VPS13A: variants seen among roughly 807,000 people sequenced by gnomAD.
VPS13A encodes vacuolar protein sorting 13 homolog A.
In VPS13A, 264 loss-of-function variants were observed where a neutral mutation model predicts 390.9. The ratio of observed to expected loss-of-function variants is 0.68; its 90% confidence interval spans 0.61 to 0.75. The LOEUF (loss-of-function observed/expected upper bound fraction) is 0.75. Ranked by LOEUF, VPS13A falls within the 30% of genes least tolerant of loss-of-function variation. The probability of loss-of-function intolerance (pLI) is 0.00; values close to 1 mark genes in which losing one functional copy is unlikely to be tolerated. For synonymous variants in VPS13A, 1,231 were observed against 1,227.1 expected, an observed-to-expected ratio of 1.00 and a Z score of -0.07; for missense variants, 3,409 against 3,733.9, an observed-to-expected ratio of 0.91 and a Z score of 2.27.
chr9:77,188,815 A>G lies in VPS13A; in HGVS notation c.100+11011A>G, dbSNP rs372324059. Among the ~76,000 whole-genome samples, 7 of 152,196 alleles carry G rather than the reference A, an allele frequency of 4.6e-5. No homozygotes were observed. The South Asian group carries it at 1.2e-3, about 27-fold the overall frequency. On this transcript the variant is annotated intron_variant, in intron 1 of 71. Coordinates refer to ENST00000360280, the MANE Select transcript of VPS13A (RefSeq NM_033305.3). ...TATTTTTGACTTTTTAATAATAGCC[A>G]TTCTGACTGGTGTAGGATCGTATCT...
chr9:77,228,095 C>G, intron 16 of VPS13A, 27 bp from the exon 17 acceptor site: 1 of 1,498,464 alleles, frequency 6.7e-7, no homozygotes, highest in Non-Finnish European at 9.1e-7. Context: ...TATATGTTTT[C>G]ATTTTATTCT....
Position 77,280,229 on chromosome 9 carries a change from A to T in VPS13A, c.2895A>T (p.Glu965Asp). ...DNTMEDLLTL[E>D]YVKAEKNVPD... is the part of the protein sequence containing the mutation. ...CAATGGAAGACCTGTTAACGCTGGA[A>T]TATGTAAAGGTAAGCAGTTTCATTT... The change falls in exon 27 of 72, where the codon GAA becomes GAT. Residue 965 changes from glutamate (E) to aspartate (D), a missense_variant. Around this residue, in one of 5 missense-constraint regions of VPS13A, gnomAD observed 2,717 missense variants for 2,917.4 expected, o/e 0.93. Transcript: ENST00000360280. 1 of 1,612,304 alleles carries T rather than the reference A, an allele frequency of 6.2e-7. No individual in the cohort carries two copies. The highest frequency in any genetic ancestry group is 8.5e-7 in the Non-Finnish European group (1 of 1,178,764).
chr9:77,235,334 A>C (rs757283980), intron 17 of VPS13A, among the ~76,000 whole-genome samples: 1 of 151,588 alleles, frequency 6.6e-6, no homozygotes, highest in Non-Finnish European at 1.5e-5. Flanking sequence ...CTTGGTTGAC[A>C]TTTTTTTTCA....
chr9:77,410,342 T>C (rs1411367402), intron 71 of VPS13A, among the ~76,000 whole-genome samples: 1 of 152,120 alleles, frequency 6.6e-6, no homozygotes, highest in Admixed American at 6.5e-5. Context: ...TGCAAAAACA[T>C]GCCAAATTGT....
intron 20 of VPS13A, among the ~76,000 whole-genome samples, chr9:77,249,373 G>A (rs1825020964): frequency 6.6e-6 from 1 of 152,168 alleles, no homozygotes; most frequent in Non-Finnish European, 1.5e-5. Flanking sequence ...CATAAGGTTA[G>A]GAGTAAGGAT....
chr9:77,265,132 C>T (rs558827084), intron 23 of VPS13A, among the ~76,000 whole-genome samples: 2 of 152,194 alleles, frequency 1.3e-5, no homozygotes, highest in Non-Finnish European at 2.9e-5. Context: ...AGCCTTGCAT[C>T]TCAGAGATGA....
rs376079391 is a variant in VPS13A at position 77,403,212 on chromosome 9, T to C, written c.9190-24T>C. 68 of 1,559,912 alleles carry C rather than the reference T, an allele frequency of 4.4e-5. No homozygotes were observed. The African/African-American group carries it at 7.2e-4, about 16-fold the overall frequency. Reference sequence around the variant, plus strand: ...GTAGGAAATACTATCAATTTTCTCATTGTCTCTCACTTTTTTCTTTTAGGT... The same window carrying C: ...GTAGGAAATACTATCAATTTTCTCACTGTCTCTCACTTTTTTCTTTTAGGT... On this transcript the variant is annotated intron_variant, in intron 68 of 71. Transcript: ENST00000360280.
chr9:77,403,074 T>A (rs1404272543), intron 68 of VPS13A, among the ~76,000 whole-genome samples, 162 bp from the exon 69 acceptor site: 1 of 152,192 alleles, frequency 6.6e-6, no homozygotes, highest in African/African-American at 2.4e-5. Context: ...GTAGATGCTT[T>A]TAAAAAGGAA....
intron 70 of VPS13A, 139 bp downstream of exon 70, chr9:77,406,126 C>G: frequency 1.9e-6 from 2 of 1,028,536 alleles, no homozygotes; most frequent in Non-Finnish European, 2.8e-6. Context: ...TACCTGCTAT[C>G]TTACCCAGGC....
intron 21 of VPS13A, 60 bp downstream of exon 21, chr9:77,250,289 A>G: frequency 6.3e-7 from 1 of 1,588,866 alleles, no homozygotes. Context: ...TTAGGTTTTT[A>G]GACACTTTGA....
intron 36 of VPS13A, 60 bp from the exon 37 acceptor site, chr9:77,314,435 A>G (rs1829266311): frequency 8.5e-6 from 13 of 1,526,844 alleles, no homozygotes; most frequent in Non-Finnish European, 1.1e-5. Flanking sequence ...AGTTCATATC[A>G]TGAAATACAC....
At chr9:77,370,216 T>G (rs773869521) in intron 63 of VPS13A, 41 bp from the exon 64 acceptor site, 5 of 1,604,922 alleles carry the variant, frequency 3.1e-6, no homozygotes, top group Non-Finnish European at 3.4e-6. Context: ...TAAAAGTGAA[T>G]ATAACTCACT....
chr9:77,414,106 T>G (rs966644815), intron 71 of VPS13A, among the ~76,000 whole-genome samples: 6 of 152,160 alleles, frequency 3.9e-5, no homozygotes, highest in East Asian at 1.9e-4. Flanking sequence ...CTGGAGAGGA[T>G]GTGGAGAAAT....
intron 60 of VPS13A, among the ~76,000 whole-genome samples, chr9:77,366,210 T>G (rs1203261768): frequency 6.6e-6 from 1 of 152,104 alleles, no homozygotes; most frequent in Non-Finnish European, 1.5e-5. Flanking sequence ...TAGCCTAGCC[T>G]GTCTTAAACA....
chr9:77,238,252 A>C lies in VPS13A; in HGVS notation c.1786-20A>C. The C allele has an allele frequency of 6.2e-7, 1 of 1,610,760 alleles. No homozygotes were observed. Among genetic ancestry groups the C allele is most frequent in the Non-Finnish European group, 8.5e-7 (1 of 1,177,136 alleles). On this transcript the variant is annotated intron_variant, in intron 18 of 71. Coordinates refer to ENST00000360280, the MANE Select transcript of VPS13A (RefSeq NM_033305.3). ...ATTTAGTTTGCTTTGAGTTTGTGTTAATGATGTTTATTTTAACAGAGGACA... is the reference window on the plus strand; with the variant it reads ...ATTTAGTTTGCTTTGAGTTTGTGTTCATGATGTTTATTTTAACAGAGGACA...
chr9:77,387,236 A>G (rs1316362741), intron 68 of VPS13A, among the ~76,000 whole-genome samples: 5 of 152,200 alleles, frequency 3.3e-5, no homozygotes, highest in Admixed American at 3.3e-4. Flanking sequence ...CTTATCAAAT[A>G]TATAGAAAAT....
At chr9:77,257,313 C>A (rs749532616) in intron 22 of VPS13A, among the ~76,000 whole-genome samples, 15 of 152,096 alleles carry the variant, frequency 9.9e-5, no homozygotes, top group Middle Eastern at 3.2e-3. Context: ...TAGCTCACTG[C>A]AGCATTGAAC....
rs1265172436 is a variant in VPS13A at position 77,210,624 on chromosome 9, T to G, written c.504T>G (p.Asn168Lys). 1.9e-6 allele frequency: 3 copies of G among 1,613,662 alleles called. No individual in the cohort carries two copies. Among genetic ancestry groups the G allele is most frequent in the Non-Finnish European group, 2.5e-6 (3 of 1,179,964 alleles). Reference sequence around the variant, plus strand: ...CTTTCTTTCCTCTTTAGATCACAAATCGGGACAAACCGCTGTCATTTGGTA... The same window carrying G: ...CTTTCTTTCCTCTTTAGATCACAAAGCGGGACAAACCGCTGTCATTTGGTA... ...IHIRYEDDITNRDKPLSFGIS... is the reference protein window; with the variant it reads ...IHIRYEDDITKRDKPLSFGIS... The change falls in exon 7 of 72, where the codon AAT (asparagine) becomes AAG (lysine). Residue 168 changes from asparagine (N) to lysine (K), a missense_variant. By Grantham distance (94) the Asn-to-Lys change is moderately conservative. Transcript: ENST00000360280.
intron 45 of VPS13A, among the ~76,000 whole-genome samples, chr9:77,329,991 C>T (rs1201979156): frequency 2.6e-5 from 4 of 152,118 alleles, no homozygotes. Flanking sequence ...AGCTTACCAG[C>T]TTACCTGCAA....
Sources: allele counts gnomAD v4.1 joint callset (sites outside exome capture counted in the v4.1 genomes callset), GRCh38; gene constraint gnomAD v4.1.1; regional missense constraint gnomAD v4.1.1; transcripts MANE v1.5; gene names NCBI Gene and HGNC (gene_info 2026-07-23, HGNC 2026-07-21).